ATRNL1: variants seen among roughly 807,000 people sequenced by gnomAD.
The protein encoded by ATRNL1 is attractin-like protein 1.
Under a neutral mutation model 182.7 loss-of-function variants are expected in ATRNL1, and 95 were observed. The observed-to-expected ratio is 0.52, with a 90% CI of 0.44 to 0.62. The LOEUF is 0.62. Among genes scored for constraint, ATRNL1 ranks in the 20% least tolerant of loss-of-function variants. The pLI, the probability that ATRNL1 is intolerant of heterozygous loss-of-function variation, is 0.00. For synonymous variants in ATRNL1, 576 were observed against 568.3 expected, an observed-to-expected ratio of 1.01 and a Z score of -0.19; for missense variants, 1,471 against 1,679.5, an observed-to-expected ratio of 0.88 and a Z score of 2.17.
At chr10:115,305,724 A>G (rs1339759943) in intron 17 of ATRNL1, among the ~76,000 whole-genome samples, 2 of 152,226 alleles carry the variant, frequency 1.3e-5, no homozygotes, top group Non-Finnish European at 2.9e-5. Flanking sequence ...AAGTTAAAAA[A>G]TAGTCAAAAC....
At chr10:115,384,975 A>G (rs1168600709) in intron 19 of ATRNL1, among the ~76,000 whole-genome samples, 1 of 151,868 alleles carries the variant, frequency 6.6e-6, no homozygotes, top group African/African-American at 2.4e-5. Flanking sequence ...GTTACTTACA[A>G]TATTAGTGTT....
intron 21 of ATRNL1, among the ~76,000 whole-genome samples, chr10:115,434,857 C>T (rs1225163095): frequency 6.6e-6 from 1 of 152,126 alleles, no homozygotes; most frequent in Non-Finnish European, 1.5e-5. Flanking sequence ...ACTGCATCCA[C>T]TGGCTCCCAA....
intron 9 of ATRNL1, among the ~76,000 whole-genome samples, chr10:115,232,734 T>C (rs1850010830): frequency 6.6e-6 from 1 of 152,018 alleles, no homozygotes; most frequent in South Asian, 2.1e-4. Context: ...GAACTATAAA[T>C]AGTGCTCCCA....
At chr10:115,629,415 A>C (rs1315191879) in intron 26 of ATRNL1, among the ~76,000 whole-genome samples, 1 of 152,156 alleles carries the variant, frequency 6.6e-6, no homozygotes, top group Non-Finnish European at 1.5e-5. Flanking sequence ...AGTAATCATG[A>C]ATCCTATTCT....
At chr10:115,511,432 G>A (rs1197043907) in intron 24 of ATRNL1, among the ~76,000 whole-genome samples, 1 of 151,774 alleles carries the variant, frequency 6.6e-6, no homozygotes, top group Non-Finnish European at 1.5e-5. Flanking sequence ...CCAAATAGTG[G>A]TTTGCAAGAC....
At chr10:115,690,045 C>T (rs767804888) in intron 26 of ATRNL1, among the ~76,000 whole-genome samples, 5 of 152,172 alleles carry the variant, frequency 3.3e-5, no homozygotes, top group Non-Finnish European at 7.3e-5. Context: ...TCACTCTCTG[C>T]TTGCAAGGCC....
At position 115,799,494 on chromosome 10, in the gene ATRNL1, C is replaced by T. The variant is rs934283246; in HGVS notation, c.3904-48383C>T. Among the ~76,000 whole-genome samples, 4 of 152,154 alleles carry T rather than the reference C, an allele frequency of 2.6e-5. No homozygotes were observed. In the East Asian group the frequency reaches 5.8e-4, roughly 22 times the overall value. ...GTTAGTTCCCAGTATTCTCCCAGCC[C>T]ATTCTCTCTGGATCAGGCCAACAAA... On this transcript the variant is annotated intron_variant, in intron 27 of 28. Transcript: ENST00000355044.
chr10:115,849,336 T>A (rs1951001027), intron 28 of ATRNL1, among the ~76,000 whole-genome samples: 1 of 152,192 alleles, frequency 6.6e-6, no homozygotes, highest in Non-Finnish European at 1.5e-5. Context: ...TATAGGTACT[T>A]GCACAGCTAA....
At chr10:115,234,936 C>G (rs1354636221) in intron 9 of ATRNL1, among the ~76,000 whole-genome samples, 4 of 152,052 alleles carry the variant, frequency 2.6e-5, no homozygotes, top group African/African-American at 7.2e-5. Flanking sequence ...CTGTGGTTTT[C>G]CCTTTTTATA....
chr10:115,184,645 A>G (rs1847873311), intron 8 of ATRNL1, among the ~76,000 whole-genome samples: 1 of 151,728 alleles, frequency 6.6e-6, no homozygotes, highest in South Asian at 2.1e-4. Context: ...ACCTGTGTTT[A>G]CTCTTTTAAA....
At chr10:115,612,112 T>A (rs1180845953) in intron 26 of ATRNL1, among the ~76,000 whole-genome samples, 1 of 151,718 alleles carries the variant, frequency 6.6e-6, no homozygotes, top group Non-Finnish European at 1.5e-5. Flanking sequence ...CTTAACCGGG[T>A]GTTGTGGCGG....
chr10:115,447,610 C>A (rs1444703885), intron 21 of ATRNL1, among the ~76,000 whole-genome samples: 1 of 151,780 alleles, frequency 6.6e-6, no homozygotes, highest in African/African-American at 2.4e-5. Context: ...ATATATGCAG[C>A]CATAGTGCAT....
At chr10:115,489,148 G>A (rs1849172340) in intron 24 of ATRNL1, among the ~76,000 whole-genome samples, 1 of 152,104 alleles carries the variant, frequency 6.6e-6, no homozygotes, top group Non-Finnish European at 1.5e-5. Flanking sequence ...TTACAATCAT[G>A]TGGTCAATTT....
At chr10:115,713,916 G>T (rs898982439) in intron 26 of ATRNL1, among the ~76,000 whole-genome samples, 1 of 152,100 alleles carries the variant, frequency 6.6e-6, no homozygotes, top group Admixed American at 6.5e-5. Flanking sequence ...TTCAAGTTCC[G>T]TAAATTTAGA....
intron 16 of ATRNL1, 65 bp downstream of exon 16, chr10:115,300,312 C>T (rs1474896569): frequency 7.6e-7 from 1 of 1,307,952 alleles, no homozygotes; most frequent in Non-Finnish European, 1.1e-6. Context: ...CTCATTCCTT[C>T]CTTCTAGGGT....
At chr10:115,215,536 C>G (rs1554895979) in intron 8 of ATRNL1, among the ~76,000 whole-genome samples, 161 bp from the exon 9 acceptor site, 1 of 151,996 alleles carries the variant, frequency 6.6e-6, no homozygotes, top group African/African-American at 2.4e-5. Flanking sequence ...CCTAACCTGG[C>G]ACATACTTAA....
intron 26 of ATRNL1, among the ~76,000 whole-genome samples, chr10:115,676,093 A>G (rs1945852176): frequency 6.6e-6 from 1 of 152,096 alleles, no homozygotes; most frequent in Non-Finnish European, 1.5e-5. Context: ...CAAAAAGTTA[A>G]CAGTCCATAT....
chr10:115,501,295 T>A (rs1425153760), intron 24 of ATRNL1, among the ~76,000 whole-genome samples: 1 of 151,992 alleles, frequency 6.6e-6, no homozygotes, highest in African/African-American at 2.4e-5. Flanking sequence ...TACCTATGAG[T>A]TGGGTGAATT....
rs1953914807 is a variant in ATRNL1 at position 115,948,014 on chromosome 10, A to G, written c.*3235A>G. 6.6e-6 allele frequency: 1 copy of G among 152,248 alleles called. No individual in the cohort carries two copies. Among genetic ancestry groups the G allele is most frequent in the South Asian group, 2.1e-4 (1 of 4,832 alleles). The allele number at this position is 152,248 out of a possible 1,614,324, so 9.4% of individuals were successfully genotyped here. A position where few individuals can be genotyped will look rare whatever the true frequency, so the allele number is the denominator to read the frequency against. ...CCACTCTTTTTCTACCAGTTGTTTTATGAATCCACCTATTAATTTTCATCC... is the reference window on the plus strand; with the variant it reads ...CCACTCTTTTTCTACCAGTTGTTTTGTGAATCCACCTATTAATTTTCATCC... On this transcript the variant is annotated 3_prime_UTR_variant, in exon 29 of 29. Transcript: ENST00000355044.
Sources: gnomAD v4.1 joint callset for allele counts (sites outside exome capture counted in the v4.1 genomes callset) on GRCh38, gnomAD v4.1.1 for gene constraint, MANE v1.5 for transcripts, NCBI Gene and HGNC (gene_info 2026-07-23, HGNC 2026-07-21) for gene names.